NUP98: variants seen among roughly 807,000 people sequenced by gnomAD.
The protein encoded by NUP98 is nuclear pore complex protein Nup98-Nup96.
Under a neutral mutation model 191.9 loss-of-function variants are expected in NUP98, and 26 were observed. That is an observed-to-expected ratio of 0.14 (90% CI 0.10 to 0.19). The LOEUF (loss-of-function observed/expected upper bound fraction) is 0.19. Ranked by LOEUF, NUP98 falls within the 10% of genes least tolerant of loss-of-function variation. The pLI is 1.00. For synonymous variants in NUP98, 808 were observed against 778.4 expected (o/e 1.04, Z -0.63); for missense variants, 1,941 against 2,178.8 (o/e 0.89, Z 2.17).
intron 20 of NUP98, among the ~76,000 whole-genome samples, chr11:3,708,592 T>C (rs968627258): frequency 1.3e-5 from 2 of 152,052 alleles, no homozygotes; most frequent in Admixed American, 6.6e-5. Context: ...GAATGCCCTA[T>C]ATGTAAATTT....
At chr11:3,724,427 A>C (rs2079531412) in intron 15 of NUP98, among the ~76,000 whole-genome samples, 1 of 130,530 alleles carries the variant, frequency 7.7e-6, no homozygotes, top group Admixed American at 7.5e-5. Context: ...TAAGAGCAAA[A>C]CTCCATCTCA....
At chr11:3,791,097 G>C (rs368024506) in intron 1 of NUP98, among the ~76,000 whole-genome samples, 2 of 151,712 alleles carry the variant, frequency 1.3e-5, no homozygotes, top group Non-Finnish European at 2.9e-5. Flanking sequence ...GGTTTTCACC[G>C]TGTTAGCCAG....
chr11:3,780,694 G>A (rs2081939403), intron 2 of NUP98, among the ~76,000 whole-genome samples: 1 of 151,860 alleles, frequency 6.6e-6, no homozygotes, highest in African/African-American at 2.4e-5. Context: ...CCCTCGCTTT[G>A]GCAGGCTTAG....
chr11:3,763,803 C>A (rs1348456917), intron 8 of NUP98, among the ~76,000 whole-genome samples: 1 of 152,186 alleles, frequency 6.6e-6, no homozygotes. Context: ...CTGCCTCAGC[C>A]TCCCAAAATG....
In NUP98 at chr11:3,675,541, G is replaced by T. The variant is rs2077781467; in HGVS notation, c.*618C>A. On this transcript the variant is annotated 3_prime_UTR_variant, in exon 33 of 33. Transcript: ENST00000324932. Reference sequence around the variant, plus strand: ...GTATGGTGTTCATGGAACTCTAAAGGCAGGAACAAAAACAGCCCTGAAGAT... The same window carrying T: ...GTATGGTGTTCATGGAACTCTAAAGTCAGGAACAAAAACAGCCCTGAAGAT... 1 of 233,712 alleles carries T rather than the reference G, an allele frequency of 4.3e-6. No individual in the cohort carries two copies. The highest frequency in any genetic ancestry group is 8.5e-6 in the Non-Finnish European group (1 of 118,114). 14.5% of individuals were successfully genotyped at this position (233,712 alleles called of 1,614,324 possible). A position where few individuals can be genotyped will look rare whatever the true frequency, so the allele number is the denominator to read the frequency against.
intron 1 of NUP98, 112 bp from the exon 2 acceptor site, chr11:3,782,257 T>C (rs1229398214): frequency 1.8e-6 from 1 of 548,192 alleles, no homozygotes; most frequent in Non-Finnish European, 3.2e-6. Flanking sequence ...TAGTATATAC[T>C]CTCATTCAAA....
chr11:3,791,533 C>CAAAA (rs71041395), intron 1 of NUP98, among the ~76,000 whole-genome samples: 835 of 66,120 alleles, frequency 0.013, no homozygotes, highest in Admixed American at 0.017. Context: ...GACCTCGTCT[C>CAAAA]AAAAAAAAAA....
At chr11:3,678,244 GTAC>G (rs911277149) in intron 31 of NUP98, among the ~76,000 whole-genome samples, 3 of 151,704 alleles carry the variant, frequency 2.0e-5, no homozygotes, top group African/African-American at 7.3e-5. Context: ...ACTATAATCT[GTAC>G]TACTGTCTAC....
chr11:3,706,453 C>T lies in NUP98; in HGVS notation c.2917G>A (p.Val973Ile), dbSNP rs1210985769. Residue 973 changes from valine to isoleucine, a missense_variant, in exon 21 of 33, where the codon GTC becomes ATC. Around this residue, in one of 6 missense-constraint regions of NUP98, gnomAD observed 1,030 missense variants for 1,115.8 expected, o/e 0.92. Transcript: ENST00000324932. The stretch of plus-strand genomic sequence containing the variant: ...GTGGGTTAGAACTTCACCTGTAAGA[C>T]ATGTGGATTAATTCCCAGTGAAGAT... Reference protein sequence around the residue: ...IASSLGINPHVLQIMKASLLT... With the variant: ...IASSLGINPHILQIMKASLLT... 1.2e-6 allele frequency: 2 copies of T among 1,613,958 alleles called. No individual in the cohort carries two copies. Among genetic ancestry groups the T allele is most frequent in the African/African-American group, 1.3e-5 (1 of 74,902 alleles).
intron 2 of NUP98, among the ~76,000 whole-genome samples, chr11:3,781,781 A>T (rs1391996579): frequency 1.3e-5 from 2 of 152,132 alleles, no homozygotes; most frequent in African/African-American, 4.8e-5. Context: ...GTAACAAATT[A>T]TAACTTTCTG....
In NUP98 at chr11:3,723,305, A is replaced by ACTGTTG. The variant is rs1564844907; in HGVS notation, c.1992_1997dup (p.Asn665_Ser666dup). 1.2e-6 allele frequency: 2 copies of ACTGTTG among 1,614,074 alleles called. No homozygotes were observed. The highest frequency in any genetic ancestry group is 1.7e-6 in the Non-Finnish European group (2 of 1,180,008). ...TTAATGCAACAATGGTATCATCCACACTGTTGCTGTTGCTGTGTTTATTTC... is the reference window on the plus strand; with the variant it reads ...TTAATGCAACAATGGTATCATCCACACTGTTGCTGTTGCTGTTGCTGTGTTTATTTC... On this transcript the variant is annotated inframe_insertion, in exon 16 of 33. Coordinates refer to ENST00000324932, the MANE Select transcript of NUP98 (RefSeq NM_016320.5).
chr11:3,705,429 TACA>T lies in NUP98; in HGVS notation c.2926-76_2926-74del, dbSNP rs2078830860. On this transcript the variant is annotated intron_variant, in intron 21 of 32. Coordinates refer to ENST00000324932, the MANE Select transcript of NUP98 (RefSeq NM_016320.5). ...GGCCATACCAAAAAAAAATGCAGTT[TACA>T]ACAACCAAAAATATTGTTCCTCCTC... 2.7e-6 allele frequency: 4 copies of T among 1,455,566 alleles called. 1 individual carries two copies. In the South Asian group the frequency reaches 3.5e-5, roughly 13 times the overall value. 90.2% of individuals were successfully genotyped at this position (1,455,566 alleles called of 1,614,324 possible).
chr11:3,693,027 T>C (rs924256411), intron 27 of NUP98: 3 of 521,940 alleles, frequency 5.7e-6, no homozygotes, highest in African/African-American at 5.7e-5. Flanking sequence ...AACCCTCTGA[T>C]TTAGAGGCAG....
intron 1 of NUP98, among the ~76,000 whole-genome samples, chr11:3,791,255 G>A (rs1157948800): frequency 3.3e-5 from 5 of 152,018 alleles, no homozygotes; most frequent in Non-Finnish European, 5.9e-5. Flanking sequence ...GGTACTGGCT[G>A]GGCATGGTGG....
rs140245282 is a variant in NUP98 at position 3,795,580 on chromosome 11, G to A, written c.-29+1820C>T. ...TGTTAGGTATAACTCCTCCATATTT[G>A]TCTATTCATTCAAGTAAACACACTT... On this transcript the variant is annotated intron_variant, in intron 1 of 32. Coordinates refer to ENST00000324932, the MANE Select transcript of NUP98 (RefSeq NM_016320.5). Among the ~76,000 whole-genome samples the A allele has an allele frequency of 9.6e-3, 1,461 of 152,194 alleles. 32 individuals are homozygous for A. Among genetic ancestry groups the A allele is most frequent in the African/African-American group, 0.034 (1,396 of 41,518 alleles).
intron 26 of NUP98, among the ~76,000 whole-genome samples, chr11:3,693,956 C>G (rs774952039): frequency 2.0e-5 from 3 of 152,080 alleles, no homozygotes; most frequent in Non-Finnish European, 2.9e-5. Context: ...GCCAGCCAGG[C>G]ACTGTGGCTC....
chr11:3,676,257 G>A lies in NUP98; in HGVS notation c.5305C>T (p.His1769Tyr). Residue 1769 changes from histidine (H) to tyrosine (Y), a missense_variant, in exon 33 of 33, where the codon CAC (histidine) becomes TAC (tyrosine). Physicochemically the swap from His to Tyr is moderately conservative, Grantham distance 83. Transcript: ENST00000324932. ...QRVPLRLLAP[H>Y]IGRLPMPEDY... The stretch of plus-strand genomic sequence containing the variant: ...TCAGGCATGGGAAGCCGGCCAATGT[G>A]GGGAGCCAAGAGGCGCAAAGGGACT... 6.2e-7 allele frequency: 1 copy of A among 1,614,178 alleles called. No individual in the cohort carries two copies. Among genetic ancestry groups the A allele is most frequent in the Non-Finnish European group, 8.5e-7 (1 of 1,180,044 alleles).
At chr11:3,763,906 A>G (rs1232121471) in intron 8 of NUP98, among the ~76,000 whole-genome samples, 1 of 152,236 alleles carries the variant, frequency 6.6e-6, no homozygotes, top group African/African-American at 2.4e-5. Flanking sequence ...TCCTATGTTT[A>G]ACAATGTATT....
chr11:3,735,776 TGTGTG>T, intron 12 of NUP98, among the ~76,000 whole-genome samples: 1 of 143,978 alleles, frequency 6.9e-6, no homozygotes, highest in Admixed American at 7.0e-5. Context: ...TGTGTGTGTG[TGTGTG>T]TGTGTGTGTA....
Sources: allele counts gnomAD v4.1 joint callset (sites outside exome capture counted in the v4.1 genomes callset), GRCh38; gene constraint gnomAD v4.1.1; regional missense constraint gnomAD v4.1.1; transcripts MANE v1.5; gene names NCBI Gene and HGNC (gene_info 2026-07-23, HGNC 2026-07-21).